The following BTBD8 variants were observed in gnomAD, a reference collection of about 807,000 sequenced individuals.
The protein encoded by BTBD8 is BTB/POZ domain-containing protein 8.
Under a neutral mutation model 162.9 loss-of-function variants are expected in BTBD8, and 110 were observed. That is an observed-to-expected ratio of 0.68 (90% CI 0.58 to 0.79). The LOEUF is 0.79. Ranked by LOEUF, BTBD8 falls within the 30% of genes least tolerant of loss-of-function variation. The pLI is 0.00. For synonymous variants in BTBD8, 667 were observed against 716.1 expected (o/e 0.93, Z 1.10); for missense variants, 1,905 against 2,085.4 (o/e 0.91, Z 1.68).
chr1:92,154,862 T>C (rs995639330), intron 9 of BTBD8, among the ~76,000 whole-genome samples: 1 of 152,350 alleles, frequency 6.6e-6, no homozygotes, highest in Admixed American at 6.5e-5. Context: ...ACCAATGTCA[T>C]GAAGCTTTCT....
chr1:92,124,348 G>T (rs1570731962), intron 4 of BTBD8, among the ~76,000 whole-genome samples: 1 of 152,296 alleles, frequency 6.6e-6, no homozygotes, highest in Non-Finnish European at 1.5e-5. Flanking sequence ...GACAACCTAG[G>T]AAGCCATTCC....
At chr1:92,112,528 A>G (rs545781359) in intron 4 of BTBD8, among the ~76,000 whole-genome samples, 1 of 152,246 alleles carries the variant, frequency 6.6e-6, no homozygotes, top group Non-Finnish European at 1.5e-5. Context: ...TTTGTGAATT[A>G]AATGCATATT....
rs1015261299 is a variant in BTBD8, at chr1:92,181,624, A to T, written c.3941A>T (p.Asp1314Val). The T allele has an allele frequency of 1.8e-5, 28 of 1,550,560 alleles. No individual in the cohort carries two copies. The highest frequency in any genetic ancestry group is 2.3e-5 in the Non-Finnish European group (26 of 1,146,348). The part of the protein sequence containing the change: ...TSTPEELKIY[D>V]SNLRIEVKMK... ...ACTCCTGAAGAATTAAAAATTTATG[A>T]TAGTAATTTAAGAATTGAAGTAAAA... Residue 1314 changes from aspartate to valine, a missense_variant, in exon 17 of 18, where the codon GAT becomes GTT. This residue lies in a region of BTBD8 where 517 missense variants were observed against 606.6 expected (regional missense o/e 0.85). Transcript: ENST00000636805.
intron 3 of BTBD8, among the ~76,000 whole-genome samples, chr1:92,105,574 A>G (rs1204461282): frequency 1.3e-5 from 2 of 152,246 alleles, no homozygotes; most frequent in African/African-American, 4.8e-5. Flanking sequence ...TAAATATCTC[A>G]AATGTAACCT....
intron 4 of BTBD8, among the ~76,000 whole-genome samples, chr1:92,120,292 A>G (rs558557315): frequency 1.3e-5 from 2 of 152,350 alleles, no homozygotes; most frequent in South Asian, 2.1e-4. Flanking sequence ...ACACAGAGCC[A>G]GGATTATCAG....
chr1:92,122,133 A>G (rs1358799059), intron 4 of BTBD8, among the ~76,000 whole-genome samples: 2 of 152,002 alleles, frequency 1.3e-5, no homozygotes, highest in Non-Finnish European at 2.9e-5. Flanking sequence ...CTTGCATGTT[A>G]TGTGTATCAG....
intron 17 of BTBD8, 62 bp from the exon 18 acceptor site, chr1:92,183,802 A>T (rs1439416493): frequency 7.6e-6 from 8 of 1,054,376 alleles, no homozygotes; most frequent in Admixed American, 3.0e-5. Context: ...TTAATATTCT[A>T]CAAAACTCTG....
Position 92,181,066 on chromosome 1 carries a change from T to C in BTBD8, c.3383T>C (p.Val1128Ala), listed in dbSNP as rs1178106808. The C allele has an allele frequency of 6.4e-7, 1 of 1,551,660 alleles. No homozygotes were observed. Among genetic ancestry groups the C allele is most frequent in the East Asian group, 2.4e-5 (1 of 40,902 alleles). Residue 1128 changes from valine to alanine, a missense_variant, in exon 17 of 18, where the codon GTA becomes GCA. Physicochemically the swap from Val to Ala is moderately conservative, Grantham distance 64. Coordinates refer to ENST00000636805, the MANE Select transcript of BTBD8 (RefSeq NM_001376131.1). ...TTGATATCAGATAGGGAGAACCAAGTAGGGAGAAAAGATACAAACAAACAA... is the reference window on the plus strand; with the variant it reads ...TTGATATCAGATAGGGAGAACCAAGCAGGGAGAAAAGATACAAACAAACAA... ...IHLISDRENQVGRKDTNKQSS... is the reference protein window; with the variant it reads ...IHLISDRENQAGRKDTNKQSS...
At chr1:92,122,860 C>T (rs200388198) in intron 4 of BTBD8, among the ~76,000 whole-genome samples, 55 of 152,320 alleles carry the variant, frequency 3.6e-4, no homozygotes, top group East Asian at 2.1e-3. Context: ...CCACCACACC[C>T]GGCCAGGGAT....
chr1:92,161,693 A>G (rs1650278176), intron 9 of BTBD8, among the ~76,000 whole-genome samples: 1 of 152,244 alleles, frequency 6.6e-6, no homozygotes, highest in African/African-American at 2.4e-5. Flanking sequence ...CAGAATGATG[A>G]AAATAAATTT....
chr1:92,090,950 T>A (rs758658835), intron 2 of BTBD8, among the ~76,000 whole-genome samples: 2 of 152,156 alleles, frequency 1.3e-5, no homozygotes, highest in Non-Finnish European at 2.9e-5. Context: ...AAATTTTTTA[T>A]TATGTAGTCT....
intron 3 of BTBD8, among the ~76,000 whole-genome samples, chr1:92,104,716 A>G (rs565824739): frequency 6.6e-6 from 1 of 152,292 alleles, no homozygotes; most frequent in African/African-American, 2.4e-5. Flanking sequence ...CCTACATCTT[A>G]TAAACCTTTT....
rs1385580913 is a variant in BTBD8 at position 92,180,247 on chromosome 1, C to G, written c.2582-18C>G. 1 of 1,503,470 alleles carries G rather than the reference C, an allele frequency of 6.7e-7. No homozygotes were observed. Among genetic ancestry groups the G allele is most frequent in the Non-Finnish European group, 8.9e-7 (1 of 1,124,622 alleles). The allele number at this position is 1,503,470 out of a possible 1,614,324, so 93.1% of individuals were successfully genotyped here. Reference sequence around the variant, plus strand: ...AGGTGATATTACATTACTGAATATACCCTCTTACTTTTCTTAGGATCCCAA... The same window carrying G: ...AGGTGATATTACATTACTGAATATAGCCTCTTACTTTTCTTAGGATCCCAA... On this transcript the variant is annotated intron_variant, in intron 16 of 17. Transcript: ENST00000636805.
intron 1 of BTBD8, among the ~76,000 whole-genome samples, chr1:92,085,941 C>T (rs1196009789): frequency 1.3e-5 from 2 of 152,098 alleles, no homozygotes; most frequent in Non-Finnish European, 2.9e-5. Flanking sequence ...TGTGAAGGCC[C>T]TGAGCTCTGG....
At chr1:92,124,941 G>A (rs1246205058) in intron 4 of BTBD8, among the ~76,000 whole-genome samples, 1 of 151,812 alleles carries the variant, frequency 6.6e-6, no homozygotes, top group African/African-American at 2.4e-5. Flanking sequence ...TTTTAATTTA[G>A]AGTTGTCCCT....
chr1:92,105,960 A>T (rs1270825420), intron 3 of BTBD8, among the ~76,000 whole-genome samples: 1 of 152,228 alleles, frequency 6.6e-6, no homozygotes, highest in African/African-American at 2.4e-5. Context: ...GCTATCTATT[A>T]CCAAAAATAA....
chr1:92,173,098 T>C (rs991196769), intron 13 of BTBD8, among the ~76,000 whole-genome samples: 1 of 152,156 alleles, frequency 6.6e-6, no homozygotes, highest in African/African-American at 2.4e-5. Flanking sequence ...CCTAATTTTG[T>C]ATTTTTAGTA....
chr1:92,081,629 C>T (rs941897254), intron 1 of BTBD8, among the ~76,000 whole-genome samples: 1 of 152,060 alleles, frequency 6.6e-6, no homozygotes, highest in Non-Finnish European at 1.5e-5. Context: ...GCTGGAGCGC[C>T]GTGGCGCGAT....
chr1:92,086,019 T>C (rs1325502610), intron 1 of BTBD8, among the ~76,000 whole-genome samples: 1 of 152,168 alleles, frequency 6.6e-6, no homozygotes, highest in Non-Finnish European at 1.5e-5. Context: ...AAGAAAGTGG[T>C]GTATCAAGCG....
Sources: allele counts gnomAD v4.1 joint callset (sites outside exome capture counted in the v4.1 genomes callset), GRCh38; gene constraint gnomAD v4.1.1; regional missense constraint gnomAD v4.1.1; transcripts MANE v1.5; gene names NCBI Gene and HGNC (gene_info 2026-07-23, HGNC 2026-07-21).